TPMT: variants seen among roughly 807,000 people sequenced by gnomAD.
TPMT encodes thiopurine S-methyltransferase.
A neutral mutation model predicts 34.2 loss-of-function variants in TPMT; 18 were observed. That is an observed-to-expected ratio of 0.53 (90% CI 0.36 to 0.78). The LOEUF (loss-of-function observed/expected upper bound fraction) is 0.78. Ranked by LOEUF, TPMT falls within the 30% of genes least tolerant of loss-of-function variation. The probability of loss-of-function intolerance (pLI) is 0.00; values close to 1 mark genes in which losing one functional copy is unlikely to be tolerated. For synonymous variants in TPMT, 69 were observed against 92.4 expected (o/e 0.75, Z 1.45); for missense variants, 265 against 288.1 (o/e 0.92, Z 0.58).
Position 18,148,856 on chromosome 6 carries a change from G to A in TPMT, c.140+132C>T, listed in dbSNP as rs1411243029. 7.5e-6 allele frequency: 10 copies of A among 1,333,172 alleles called. No individual in the cohort carries two copies. The highest frequency in any genetic ancestry group is 7.0e-5 in the Admixed American group (4 of 57,548). 82.6% of individuals were successfully genotyped at this position (1,333,172 alleles called of 1,614,324 possible). A position where few individuals can be genotyped will look rare whatever the true frequency, so the allele number is the denominator to read the frequency against. ...TCATGCCACAGATGCACTGTGACTC[G>A]GGAGACACAAAAATGTGAAGAATTA... On this transcript the variant is annotated intron_variant, in intron 2 of 8. Coordinates refer to ENST00000309983, the MANE Select transcript of TPMT (RefSeq NM_000367.5). The surrounding 1 kb of genome is among the most constrained non-coding windows in gnomAD (Gnocchi z 4.1).
Position 18,136,724 on chromosome 6 carries a change from C to A in TPMT, c.494+2239G>T, listed in dbSNP as rs1398675854. On this transcript the variant is annotated intron_variant, in intron 6 of 8. Transcript: ENST00000309983. This position sits in a 1 kb window ranked among gnomAD's most constrained non-coding sequence, Gnocchi z 4.7. ...ACCTGGGAGGCTGAGGCAGGAGATT[C>A]GCTTGAACCTGGCAGGCAGAGGTTG... Among the ~76,000 whole-genome samples, 1 of 152,182 alleles carries A rather than the reference C, an allele frequency of 6.6e-6. No homozygotes were observed. Among genetic ancestry groups the A allele is most frequent in the South Asian group, 2.1e-4 (1 of 4,832 alleles).
Position 18,132,252 on chromosome 6 carries a change from AT to A in TPMT, c.581-76del. ...TACTTGTTCTACATACAACTTCATT[AT>A]CCAAATAGGTGATGATGTGGCATGT... is the stretch of plus-strand genomic sequence containing the variant. On this transcript the variant is annotated intron_variant, in intron 7 of 8. Coordinates refer to ENST00000309983, the MANE Select transcript of TPMT (RefSeq NM_000367.5). This position sits in a 1 kb window ranked among gnomAD's most constrained non-coding sequence, Gnocchi z 4.8. 1 of 1,381,100 alleles carries A rather than the reference AT, an allele frequency of 7.2e-7. No homozygotes were observed. Among genetic ancestry groups the A allele is most frequent in the Non-Finnish European group, 1.0e-6 (1 of 973,928 alleles). The allele number at this position is 1,381,100 out of a possible 1,614,324, so 85.6% of individuals were successfully genotyped here.
At position 18,128,709 on chromosome 6, in the gene TPMT, C is replaced by CT. The variant is rs914458650; in HGVS notation, c.*1958dup. 5.2e-5 allele frequency: 8 copies of CT among 152,400 alleles called. No individual in the cohort carries two copies. The highest frequency in any genetic ancestry group is 1.2e-4 in the African/African-American group (5 of 41,384). 9.4% of individuals were successfully genotyped at this position (152,400 alleles called of 1,614,324 possible). On this transcript the variant is annotated 3_prime_UTR_variant, in exon 9 of 9. Coordinates refer to ENST00000309983, the MANE Select transcript of TPMT (RefSeq NM_000367.5). The surrounding 1 kb of genome is among the most constrained non-coding windows in gnomAD (Gnocchi z 4.6). ...CCCTTTCAGCAGTCAACTTGCCTTT[C>CT]TTTTTTTTCTTTTCTTTTTCTTTCT... is the stretch of plus-strand genomic sequence containing the variant.
Position 18,132,675 on chromosome 6 carries a change from T to A in TPMT, c.581-498A>T, listed in dbSNP as rs1194455159. Among the ~76,000 whole-genome samples, 1 of 152,158 alleles carries A rather than the reference T, an allele frequency of 6.6e-6. No homozygotes were observed. The highest frequency in any genetic ancestry group is 2.4e-5 in the African/African-American group (1 of 41,446). On this transcript the variant is annotated intron_variant, in intron 7 of 8. Transcript: ENST00000309983. This position sits in a 1 kb window ranked among gnomAD's most constrained non-coding sequence, Gnocchi z 4.8. ...CTTCTGTTCATTAATGGAATTTAAA[T>A]CAGATTAGCAGAGCTAACTTCTGCC...
chr6:18,141,640 G>A (rs1179068136), intron 4 of TPMT, among the ~76,000 whole-genome samples: 1 of 152,024 alleles, frequency 6.6e-6, no homozygotes, highest in Non-Finnish European at 1.5e-5. Flanking sequence ...ATGCCCAGCT[G>A]AGCAATTAAT....
intron 7 of TPMT, among the ~76,000 whole-genome samples, chr6:18,133,130 T>C (rs1161689494): frequency 6.6e-6 from 1 of 151,996 alleles, no homozygotes; most frequent in African/African-American, 2.4e-5. Flanking sequence ...AATACTAACA[T>C]ATGTAAATAT....
rs1270487996 is a variant in TPMT, at chr6:18,143,340, TA to T, written c.366+255del. ...TGGGTTCTCAGAAAATGCGTGTTAATAAAAATAAAACAAGCCTAAAAGCTTG... is the reference window on the plus strand; with the variant it reads ...TGGGTTCTCAGAAAATGCGTGTTAATAAAATAAAACAAGCCTAAAAGCTTG... On this transcript the variant is annotated intron_variant, in intron 4 of 8. Transcript: ENST00000309983. The surrounding 1 kb of genome is among the most constrained non-coding windows in gnomAD (Gnocchi z 6.1). Among the ~76,000 whole-genome samples the T allele has an allele frequency of 6.6e-6, 1 of 152,172 alleles. No individual in the cohort carries two copies. The highest frequency in any genetic ancestry group is 1.5e-5 in the Non-Finnish European group (1 of 68,024).
chr6:18,143,623 G>A lies in TPMT; in HGVS notation c.339C>T (p.Thr113=), dbSNP rs17839843. Residue 113 remains threonine, a synonymous_variant, in exon 4 of 9, where the codon ACC becomes ACT. Coordinates refer to ENST00000309983, the MANE Select transcript of TPMT (RefSeq NM_000367.5). This position sits in a 1 kb window ranked among gnomAD's most constrained non-coding sequence, Gnocchi z 6.1. ...TAAATACTTTGGTTCCAGGAATTTC[G>A]GTGATTGGTTCTTCTGAGTAAGAAA... is the stretch of plus-strand genomic sequence containing the variant. The part of the protein sequence containing the change: ...QNLSYSEEPI[T]EIPGTKVFKS... 6.6e-3 allele frequency: 10,656 copies of A among 1,612,912 alleles called. 74 individuals carry two copies. Among genetic ancestry groups the A allele is most frequent in the Middle Eastern group, 0.027 (141 of 5,246 alleles).
Position 18,133,892 on chromosome 6 carries a change from A to T in TPMT, c.495-3T>A. ...GGGAAAACATTGTATCTGCATAGCT[A>T]CAAAGAACACAAGAAGGTATTTGTT... On this transcript the variant is annotated splice_region_variant and splice_polypyrimidine_tract_variant and intron_variant, in intron 6 of 8. Coordinates refer to ENST00000309983, the MANE Select transcript of TPMT (RefSeq NM_000367.5). 6.2e-7 allele frequency: 1 copy of T among 1,611,670 alleles called. No homozygotes were observed. The highest frequency in any genetic ancestry group is 8.5e-7 in the Non-Finnish European group (1 of 1,177,764).
In TPMT at chr6:18,154,284, A is replaced by T. The variant is rs2842942; in HGVS notation, c.-45+749T>A. Among the ~76,000 whole-genome samples the T allele has an allele frequency of 0.57, 86,877 of 152,038 alleles. 25,357 individuals carry two copies. The highest frequency in any genetic ancestry group is 0.69 in the African/African-American group (28,672 of 41,456). ...GAATTAAGGAAGGGAAATTTCACAA[A>T]AATTTCTGCCCACAAACAAAGTCCT... is the stretch of plus-strand genomic sequence containing the variant. On this transcript the variant is annotated intron_variant, in intron 1 of 8. Coordinates refer to ENST00000309983, the MANE Select transcript of TPMT (RefSeq NM_000367.5). The surrounding 1 kb of genome is among the most constrained non-coding windows in gnomAD (Gnocchi z 4.2).
Position 18,140,536 on chromosome 6 carries a change from T to C in TPMT, c.367-819A>G, listed in dbSNP as rs983213461. Among the ~76,000 whole-genome samples, 3 of 151,626 alleles carry C rather than the reference T, an allele frequency of 2.0e-5. No individual in the cohort carries two copies. The highest frequency in any genetic ancestry group is 7.3e-5 in the African/African-American group (3 of 41,242). ...AAAACTCCAACTCTACAGAAAAAAT[T>C]AGATGGGTGTGGTGGCACACACCTG... On this transcript the variant is annotated intron_variant, in intron 4 of 8. Transcript: ENST00000309983. This position sits in a 1 kb window ranked among gnomAD's most constrained non-coding sequence, Gnocchi z 4.7.
rs1179313387 is a variant in TPMT at position 18,133,897 on chromosome 6, G to T, written c.495-8C>A. 3 of 1,608,940 alleles carry T rather than the reference G, an allele frequency of 1.9e-6. No homozygotes were observed. The highest frequency in any genetic ancestry group is 2.6e-6 in the Non-Finnish European group (3 of 1,175,562). Reference sequence around the variant, plus strand: ...AACATTGTATCTGCATAGCTACAAAGAACACAAGAAGGTATTTGTTACATT... The same window carrying T: ...AACATTGTATCTGCATAGCTACAAATAACACAAGAAGGTATTTGTTACATT... On this transcript the variant is annotated splice_region_variant and splice_polypyrimidine_tract_variant and intron_variant, in intron 6 of 8. Coordinates refer to ENST00000309983, the MANE Select transcript of TPMT (RefSeq NM_000367.5).
Position 18,149,077 on chromosome 6 carries a change from C to T in TPMT, c.51G>A (p.Glu17=). Residue 17 remains glutamate, a synonymous_variant, in exon 2 of 9, where the codon GAG becomes GAA. Coordinates refer to ENST00000309983, the MANE Select transcript of TPMT (RefSeq NM_000367.5). This position sits in a 1 kb window ranked among gnomAD's most constrained non-coding sequence, Gnocchi z 5.0. The part of the protein sequence containing the change: ...SLDIEEYSDT[E]VQKNQVLTLE... ...GAGTTAGTACTTGGTTTTTCTGTAC[C>T]TCAGTATCCGAGTACTCTTCAATGT... is the stretch of plus-strand genomic sequence containing the variant. The T allele has an allele frequency of 1.2e-6, 2 of 1,614,044 alleles. No individual in the cohort carries two copies. The highest frequency in any genetic ancestry group is 1.7e-6 in the Non-Finnish European group (2 of 1,180,016).
intron 1 of TPMT, among the ~76,000 whole-genome samples, chr6:18,152,851 C>G (rs1784379479): frequency 6.6e-6 from 1 of 152,124 alleles, no homozygotes; most frequent in Non-Finnish European, 1.5e-5. Flanking sequence ...TCAACCAACC[C>G]CCTGATGCTG....
chr6:18,138,960 T>TA lies in TPMT; in HGVS notation c.494+2dup. 6.2e-7 allele frequency: 1 copy of TA among 1,612,186 alleles called. No homozygotes were observed. Among genetic ancestry groups the TA allele is most frequent in the Admixed American group, 1.7e-5 (1 of 59,796 alleles). On this transcript the variant is annotated splice_region_variant and intron_variant, in intron 6 of 8. Coordinates refer to ENST00000309983, the MANE Select transcript of TPMT (RefSeq NM_000367.5). The surrounding 1 kb of genome is among the most constrained non-coding windows in gnomAD (Gnocchi z 4.1). Reference sequence around the variant, plus strand: ...GCTAAACAAAAAAAGAAAAATTACTTACCATTTGCGATCACCTGGATTGAT... The same window carrying TA: ...GCTAAACAAAAAAAGAAAAATTACTTAACCATTTGCGATCACCTGGATTGAT...
At position 18,139,800 on chromosome 6, in the gene TPMT, C is replaced by A; in HGVS notation, c.367-83G>T. On this transcript the variant is annotated intron_variant, in intron 4 of 8. Transcript: ENST00000309983. The surrounding 1 kb of genome is among the most constrained non-coding windows in gnomAD (Gnocchi z 4.2). ...GTCAAGGAAAGAGGGCCAAGCAAAGCAAAAGTTCTAGGGAAAGAATGTGTT... is the reference window on the plus strand; with the variant it reads ...GTCAAGGAAAGAGGGCCAAGCAAAGAAAAAGTTCTAGGGAAAGAATGTGTT... The A allele has an allele frequency of 1.1e-6, 1 of 876,908 alleles. No homozygotes were observed. The highest frequency in any genetic ancestry group is 1.8e-6 in the Non-Finnish European group (1 of 550,280). 54.3% of individuals were successfully genotyped at this position (876,908 alleles called of 1,614,324 possible).
chr6:18,133,281 A>AT (rs756028691), intron 7 of TPMT, among the ~76,000 whole-genome samples: 1 of 152,254 alleles, frequency 6.6e-6, no homozygotes, highest in African/African-American at 2.4e-5. Flanking sequence ...AGGAGAAAAC[A>AT]TACCCCCAAC....
In TPMT at chr6:18,154,207, T is replaced by C. The variant is rs9465106; in HGVS notation, c.-45+826A>G. ...CATGGACTCCACTTGTATACATCAT[T>C]TCTAGAGAAATAAAGTTTATTTCTA... On this transcript the variant is annotated intron_variant, in intron 1 of 8. Transcript: ENST00000309983. The surrounding 1 kb of genome is among the most constrained non-coding windows in gnomAD (Gnocchi z 4.2). Among the ~76,000 whole-genome samples the C allele has an allele frequency of 0.014, 2,088 of 152,246 alleles. 49 individuals are homozygous for C. The highest frequency in any genetic ancestry group is 0.047 in the African/African-American group (1,959 of 41,534).
rs1784079714 is a variant in TPMT at position 18,138,218 on chromosome 6, C to G, written c.494+745G>C. Among the ~76,000 whole-genome samples the G allele has an allele frequency of 2.0e-5, 3 of 151,524 alleles. No individual in the cohort carries two copies. The highest frequency in any genetic ancestry group is 1.3e-4 in the Admixed American group (2 of 15,192). On this transcript the variant is annotated intron_variant, in intron 6 of 8. Transcript: ENST00000309983. The surrounding 1 kb of genome is among the most constrained non-coding windows in gnomAD (Gnocchi z 4.1). Reference sequence around the variant, plus strand: ...TGTATAATGGAATAGTAGCTTATACCTTACAGAATTAAATGTTAAACCACA... The same window carrying G: ...TGTATAATGGAATAGTAGCTTATACGTTACAGAATTAAATGTTAAACCACA...
Sources: gnomAD v4.1 joint callset for allele counts (sites outside exome capture counted in the v4.1 genomes callset) on GRCh38, gnomAD v4.1.1 for gene constraint, Gnocchi (gnomAD v3.1) non-coding constraint, MANE v1.5 for transcripts, NCBI Gene and HGNC (gene_info 2026-07-23, HGNC 2026-07-21) for gene names.